The following CDC20B variants were observed in gnomAD, a reference collection of about 807,000 sequenced individuals.
CDC20B encodes the protein cell division cycle protein 20 homolog B.
Under a neutral mutation model 64.1 loss-of-function variants are expected in CDC20B, and 58 were observed. The observed-to-expected ratio is 0.90, with a 90% CI of 0.73 to 1.13. The LOEUF (loss-of-function observed/expected upper bound fraction) is 1.13. CDC20B is among the 50% of genes most tolerant of loss of function. CDC20B has a pLI of 0.00. For synonymous variants in CDC20B, 243 were observed against 230.6 expected (o/e 1.05, Z -0.49); for missense variants, 597 against 633.0 (o/e 0.94, Z 0.61).
At chr5:55,117,673 C>T (rs922366046) in intron 11 of CDC20B, among the ~76,000 whole-genome samples, 14 of 152,158 alleles carry the variant, frequency 9.2e-5, no homozygotes, top group Non-Finnish European at 1.9e-4. Context: ...CACAGCAGTG[C>T]TCCCTCAGTG....
chr5:55,114,364 G>T lies in CDC20B; in HGVS notation c.1460-46C>A. 2 of 1,607,102 alleles carry T rather than the reference G, an allele frequency of 1.2e-6. No homozygotes were observed. The highest frequency in any genetic ancestry group is 1.7e-6 in the Non-Finnish European group (2 of 1,176,404). ...AGTTCATACTCCTCCACGTTACATGGGCTGCTGCTCAGGACTGTAGGCAAT... is the reference window on the plus strand; with the variant it reads ...AGTTCATACTCCTCCACGTTACATGTGCTGCTGCTCAGGACTGTAGGCAAT... On this transcript the variant is annotated intron_variant, in intron 11 of 11. Coordinates refer to ENST00000381375, the MANE Select transcript of CDC20B (RefSeq NM_001170402.1). This position sits in a 1 kb window ranked among gnomAD's most constrained non-coding sequence, Gnocchi z 4.1.
chr5:55,145,688 CTCT>C (rs769667322), intron 3 of CDC20B, among the ~76,000 whole-genome samples: 20 of 151,938 alleles, frequency 1.3e-4, no homozygotes, highest in East Asian at 5.8e-4. Flanking sequence ...CTTTCCTTCC[CTCT>C]TCTTCTTCCC....
chr5:55,166,106 A>G (rs990288760), intron 2 of CDC20B: 1 of 152,220 alleles, frequency 6.6e-6, no homozygotes, highest in Admixed American at 6.5e-5. Context: ...TACGCCTTCC[A>G]TGAACTCATA....
At position 55,173,044 on chromosome 5, in the gene CDC20B, G is replaced by C; in HGVS notation, c.-44C>G. On this transcript the variant is annotated 5_prime_UTR_variant, in exon 1 of 12. Transcript: ENST00000381375. Reference sequence around the variant, plus strand: ...TGCCTGGCGTTTGGCCTCTCTGCTCGACTGCCTCTGGTTTTCTTCCCAGGT... The same window carrying C: ...TGCCTGGCGTTTGGCCTCTCTGCTCCACTGCCTCTGGTTTTCTTCCCAGGT... 1 of 1,553,104 alleles carries C rather than the reference G, an allele frequency of 6.4e-7. No individual in the cohort carries two copies. The highest frequency in any genetic ancestry group is 1.2e-5 in the South Asian group (1 of 85,962).
At chr5:55,165,583 A>C (rs571743480) in intron 2 of CDC20B, 2 of 152,316 alleles carry the variant, frequency 1.3e-5, no homozygotes, top group South Asian at 4.1e-4. Flanking sequence ...TTATTAGATA[A>C]ACCAAAAATA....
At chr5:55,159,019 CT>C (rs989618209) in intron 2 of CDC20B, among the ~76,000 whole-genome samples, 1 of 151,656 alleles carries the variant, frequency 6.6e-6, no homozygotes, top group Non-Finnish European at 1.5e-5. Flanking sequence ...GCTTTTTTCC[CT>C]CTTCTTCTTT....
chr5:55,153,240 T>TAAAAAAAAAAAAAAAAAA (rs1206577177), intron 2 of CDC20B, among the ~76,000 whole-genome samples: 1 of 87,658 alleles, frequency 1.1e-5, no homozygotes, highest in African/African-American at 5.2e-5. Context: ...CCTTGTCTCA[T>TAAAAAAAAAAAAAAAAAA]AAAAAAAAAA....
At chr5:55,116,081 T>C (rs1742620963) in intron 11 of CDC20B, among the ~76,000 whole-genome samples, 2 of 152,220 alleles carry the variant, frequency 1.3e-5, no homozygotes, top group Admixed American at 1.3e-4. Flanking sequence ...AGCTAATCAA[T>C]GACAGAGCCA....
At chr5:55,150,454 G>A (rs753161232) in intron 2 of CDC20B, among the ~76,000 whole-genome samples, 1 of 152,212 alleles carries the variant, frequency 6.6e-6, no homozygotes, top group Non-Finnish European at 1.5e-5. Flanking sequence ...GGCGAGGCCG[G>A]CTCTCTCTCC....
At chr5:55,167,574 T>G (rs1379776688) in intron 2 of CDC20B, among the ~76,000 whole-genome samples, 2 of 152,126 alleles carry the variant, frequency 1.3e-5, no homozygotes, top group Non-Finnish European at 2.9e-5. Context: ...AATGTGATAA[T>G]TGGTGATGGG....
At chr5:55,162,081 C>T (rs1340566155) in intron 2 of CDC20B, among the ~76,000 whole-genome samples, 1 of 118,038 alleles carries the variant, frequency 8.5e-6, no homozygotes, top group Non-Finnish European at 1.7e-5. Context: ...TGTTCTAAAC[C>T]ATATTAGTCA....
At chr5:55,162,049 C>T (rs1187905961) in intron 2 of CDC20B, among the ~76,000 whole-genome samples, 3 of 145,018 alleles carry the variant, frequency 2.1e-5, no homozygotes, top group South Asian at 2.2e-4. Context: ...TACTTATACA[C>T]TGCTTGCTCT....
chr5:55,159,232 G>C (rs569540327), intron 2 of CDC20B, among the ~76,000 whole-genome samples: 3 of 152,122 alleles, frequency 2.0e-5, no homozygotes, highest in Non-Finnish European at 4.4e-5. Flanking sequence ...GCCCAAGTTG[G>C]TCTTGAACTC....
chr5:55,144,632 C>G (rs1743421853), intron 3 of CDC20B, among the ~76,000 whole-genome samples: 1 of 152,124 alleles, frequency 6.6e-6, no homozygotes, highest in African/African-American at 2.4e-5. Flanking sequence ...TGCTCTTTGT[C>G]CTGAGAAATT....
chr5:55,141,627 C>T (rs1159330485), intron 4 of CDC20B, among the ~76,000 whole-genome samples: 1 of 152,228 alleles, frequency 6.6e-6, no homozygotes, highest in East Asian at 1.9e-4. Context: ...TCCTTACACT[C>T]TGGGTCCCCA....
At position 55,126,466 on chromosome 5, in the gene CDC20B, C is replaced by CAAAAAAAAAAAAAAAAAA. The variant is rs34581363; in HGVS notation, c.989+773_989+790dup. On this transcript the variant is annotated intron_variant, in intron 8 of 11. Transcript: ENST00000381375. ...TAGGTGACAGAGTGAGATTCCATGT[C>CAAAAAAAAAAAAAAAAAA]AAAAAAAAAAAAAAAAAAAAACAGT... is the stretch of plus-strand genomic sequence containing the variant. The CAAAAAAAAAAAAAAAAAA allele has an allele frequency of 4.3e-4, 42 of 98,616 alleles. 3 individuals carry two copies. Among genetic ancestry groups the CAAAAAAAAAAAAAAAAAA allele is most frequent in the Middle Eastern group, 5.4e-3 (1 of 186 alleles). The allele number at this position is 98,616 out of a possible 1,614,324, so 6.1% of individuals were successfully genotyped here.
chr5:55,164,979 C>A (rs1323825757), intron 2 of CDC20B: 1 of 152,078 alleles, frequency 6.6e-6, no homozygotes, highest in Non-Finnish European at 1.5e-5. Context: ...CATAATATTA[C>A]CAAGTAAGTC....
chr5:55,125,823 AG>A (rs1279275113), intron 8 of CDC20B, among the ~76,000 whole-genome samples: 7 of 152,366 alleles, frequency 4.6e-5, no homozygotes, highest in African/African-American at 1.7e-4. Context: ...TGGGCTCTGG[AG>A]CCAGACCAGC....
intron 2 of CDC20B, among the ~76,000 whole-genome samples, chr5:55,167,940 G>A (rs1435975266): frequency 6.6e-6 from 1 of 152,140 alleles, no homozygotes; most frequent in Non-Finnish European, 1.5e-5. Context: ...GCTGAGGTGA[G>A]AGGATTGCTT....
Sources: allele counts gnomAD v4.1 joint callset (sites outside exome capture counted in the v4.1 genomes callset), GRCh38; gene constraint gnomAD v4.1.1; non-coding constraint Gnocchi (gnomAD v3.1); transcripts MANE v1.5; gene names NCBI Gene and HGNC (gene_info 2026-07-23, HGNC 2026-07-21).